The following S100B variants were observed in gnomAD, a reference collection of about 807,000 sequenced individuals.
S100B encodes protein S100-B.
A neutral mutation model predicts 7.7 loss-of-function variants in S100B; 6 were observed. That is an observed-to-expected ratio of 0.78 (90% CI 0.43 to 1.54). The LOEUF is 1.54. Ranked by LOEUF, S100B falls within the 40% of genes most tolerant of loss-of-function variation. The probability of loss-of-function intolerance (pLI) is 0.01; values close to 1 mark genes in which losing one functional copy is unlikely to be tolerated. For missense variants in S100B, 99 were observed against 111.8 expected, an observed-to-expected ratio of 0.89 and a Z score of 0.52; for synonymous variants, 36 against 40.4, an observed-to-expected ratio of 0.89 and a Z score of 0.41.
intron 2 of S100B, 74 bp from the exon 3 acceptor site, chr21:46,599,577 T>G: frequency 7.9e-7 from 1 of 1,268,384 alleles, no homozygotes; most frequent in Non-Finnish European, 1.1e-6. Flanking sequence ...GATTAAAAGT[T>G]GAGTGACTCT....
At chr21:46,604,835 A>G (rs990412434) in intron 1 of S100B, among the ~76,000 whole-genome samples, 178 bp downstream of exon 1, 1 of 152,240 alleles carries the variant, frequency 6.6e-6, no homozygotes, top group Admixed American at 6.5e-5. Context: ...AGGTGTCCAC[A>G]AAGCAGCAGT....
Position 46,599,401 on chromosome 21 carries a change from C to A in S100B, c.241G>T (p.Val81Phe), listed in dbSNP as rs1601892784. 1 of 1,613,960 alleles carries A rather than the reference C, an allele frequency of 6.2e-7. No individual in the cohort carries two copies. The highest frequency in any genetic ancestry group is 8.5e-7 in the Non-Finnish European group (1 of 1,179,862). ...AAGAACTCGTGGCAGGCAGTAGTAA[C>A]CATGGCAACAAAGGCCATGAATTCC... ...FQEFMAFVAMVTTACHEFFEH... is the reference protein window; with the variant it reads ...FQEFMAFVAMFTTACHEFFEH... The change falls in exon 3 of 3, where the codon GTT becomes TTT. Residue 81 changes from valine to phenylalanine, a missense_variant. Coordinates refer to ENST00000291700, the MANE Select transcript of S100B (RefSeq NM_006272.3).
At position 46,599,330 on chromosome 21, in the gene S100B, C is replaced by T; in HGVS notation, c.*33G>A. 1 of 1,606,968 alleles carries T rather than the reference C, an allele frequency of 6.2e-7. No individual in the cohort carries two copies. Among genetic ancestry groups the T allele is most frequent in the Non-Finnish European group, 8.5e-7 (1 of 1,175,790 alleles). ...TGTCTGCTTTCTTGCATGACCGTCTCTGTTACAGGAAAGGTTTGGCTGCTT... is the reference window on the plus strand; with the variant it reads ...TGTCTGCTTTCTTGCATGACCGTCTTTGTTACAGGAAAGGTTTGGCTGCTT... On this transcript the variant is annotated 3_prime_UTR_variant, in exon 3 of 3. Coordinates refer to ENST00000291700, the MANE Select transcript of S100B (RefSeq NM_006272.3).
At chr21:46,601,680 C>T (rs775220030) in intron 2 of S100B, among the ~76,000 whole-genome samples, 1 of 152,240 alleles carries the variant, frequency 6.6e-6, no homozygotes, top group Non-Finnish European at 1.5e-5. Context: ...ATATCCGTTA[C>T]TCCACAGAGC....
chr21:46,599,602 G>T (rs1488844421), intron 2 of S100B, 99 bp from the exon 3 acceptor site: 1 of 1,062,706 alleles, frequency 9.4e-7, no homozygotes, highest in Admixed American at 1.8e-5. Flanking sequence ...ATTTGTGTCC[G>T]AAATAACCTA....
intron 2 of S100B, among the ~76,000 whole-genome samples, chr21:46,600,964 T>C (rs2061039735): frequency 6.6e-6 from 1 of 152,196 alleles, no homozygotes; most frequent in Non-Finnish European, 1.5e-5. Flanking sequence ...GTGGGACTGC[T>C]GTCACTCTGT....
chr21:46,602,404 C>T lies in S100B; in HGVS notation c.12G>A (p.Leu4=). The T allele has an allele frequency of 6.2e-7, 1 of 1,613,604 alleles. No homozygotes were observed. The highest frequency in any genetic ancestry group is 8.5e-7 in the Non-Finnish European group (1 of 1,179,838). Residue 4 remains leucine, a synonymous_variant, in exon 2 of 3, where the codon CTG becomes CTA. Coordinates refer to ENST00000291700, the MANE Select transcript of S100B (RefSeq NM_006272.3). MSE[L]EKAMVALIDV... ...CGATGAGGGCCACCATGGCCTTCTC[C>T]AGCTCAGACATCCTAGGGGCTCGCA...
In S100B at chr21:46,603,395, G is replaced by GGGGGGCGGGGGGGGGT. The variant is rs1569137668; in HGVS notation, c.-1-980_-1-979insACCCCCCCCCGCCCCC. On this transcript the variant is annotated intron_variant, in intron 1 of 2. Coordinates refer to ENST00000291700, the MANE Select transcript of S100B (RefSeq NM_006272.3). ...CTGCAGTGACTGGGACGGCGGGAGG[G>GGGGGGCGGGGGGGGGT]GGTGGGGGCAGGAATAGGTGTTTCT... Among the ~76,000 whole-genome samples the GGGGGGCGGGGGGGGGT allele has an allele frequency of 1.4e-5, 2 of 140,256 alleles. 1 individual carries two copies. The highest frequency in any genetic ancestry group is 1.4e-4 in the Admixed American group (2 of 14,232). The allele number at this position is 140,256 out of a possible 152,430, so 92.0% of individuals were successfully genotyped here.
chr21:46,603,392 A>AGGGGGTGGGGGGGGAGGG lies in S100B; in HGVS notation c.-1-977_-1-976insCCCTCCCCCCCCACCCCC, dbSNP rs796474856. On this transcript the variant is annotated intron_variant, in intron 1 of 2. Transcript: ENST00000291700. ...TCACTGCAGTGACTGGGACGGCGGG[A>AGGGGGTGGGGGGGGAGGG]GGGGGTGGGGGCAGGAATAGGTGTT... Among the ~76,000 whole-genome samples the AGGGGGTGGGGGGGGAGGG allele has an allele frequency of 8.3e-3, 318 of 38,242 alleles. 3 individuals are homozygous for AGGGGGTGGGGGGGGAGGG. Among genetic ancestry groups the AGGGGGTGGGGGGGGAGGG allele is most frequent in the Admixed American group, 0.014 (42 of 2,942 alleles). The allele number at this position is 38,242 out of a possible 152,430, so 25.1% of individuals were successfully genotyped here.
intron 1 of S100B, among the ~76,000 whole-genome samples, chr21:46,604,178 A>C (rs889917152): frequency 3.3e-5 from 5 of 152,258 alleles, no homozygotes; most frequent in African/African-American, 1.2e-4. Flanking sequence ...ACCACACTAC[A>C]AATCAATTAA....
intron 2 of S100B, 133 bp from the exon 3 acceptor site, chr21:46,599,636 G>A (rs1359374587): frequency 1.2e-6 from 1 of 835,810 alleles, no homozygotes. Context: ...CAAAATATCA[G>A]AAAAGATGTC....
intron 1 of S100B, among the ~76,000 whole-genome samples, chr21:46,603,392 A>AGGGGGTGGGGGGAGGGGGGAGGCGGGGG (rs796474856): frequency 1.0e-4 from 4 of 38,230 alleles, no homozygotes; most frequent in Non-Finnish European, 2.0e-4. Context: ...GGACGGCGGG[A>AGGGGGTGGGGGGAGGGGGGAGGCGGGGG]GGGGGTGGGG....
chr21:46,603,398 T>TGGGGGCGGGGGGGGGGGC (rs2061048295), intron 1 of S100B, among the ~76,000 whole-genome samples: 2 of 52,070 alleles, frequency 3.8e-5, no homozygotes, highest in African/African-American at 1.4e-4. Context: ...CGGGAGGGGG[T>TGGGGGCGGGGGGGGGGGC]GGGGGCAGGA....
intron 1 of S100B, among the ~76,000 whole-genome samples, chr21:46,603,392 A>AGGGGGTGGGGGGAGGGGGGCGGGGGG (rs796474856): frequency 2.6e-5 from 1 of 38,206 alleles, no homozygotes; most frequent in East Asian, 1.1e-3. Flanking sequence ...GGACGGCGGG[A>AGGGGGTGGGGGGAGGGGGGCGGGGGG]GGGGGTGGGG....
intron 1 of S100B, among the ~76,000 whole-genome samples, chr21:46,603,404 C>CGGGGGA (rs2061048367): frequency 7.1e-5 from 1 of 14,050 alleles, no homozygotes; most frequent in African/African-American, 2.5e-4. Context: ...GGGGTGGGGG[C>CGGGGGA]AGGAATAGGT....
chr21:46,601,637 G>T (rs999664076), intron 2 of S100B, among the ~76,000 whole-genome samples: 9 of 152,206 alleles, frequency 5.9e-5, no homozygotes, highest in Non-Finnish European at 1.3e-4. Context: ...GCTTCCTAAA[G>T]TAGGGGCCCC....
At chr21:46,602,720 T>G in intron 1 of S100B, 1 of 257,802 alleles carries the variant, frequency 3.9e-6, no homozygotes. Flanking sequence ...CTGGCAAAAA[T>G]ACAGAGGCAG....
intron 1 of S100B, among the ~76,000 whole-genome samples, 163 bp downstream of exon 1, chr21:46,604,850 T>C (rs189092760): frequency 6.6e-6 from 1 of 152,330 alleles, no homozygotes; most frequent in East Asian, 1.9e-4. Context: ...AGCAGTAATG[T>C]GGAGATTAAA....
chr21:46,600,512 T>G, intron 2 of S100B: 2 of 314,840 alleles, frequency 6.4e-6, no homozygotes, highest in Non-Finnish European at 1.3e-5. Flanking sequence ...ACCACTGCAC[T>G]CCAACCTGGG....
Sources: gnomAD v4.1 joint callset for allele counts (sites outside exome capture counted in the v4.1 genomes callset) on GRCh38, gnomAD v4.1.1 for gene constraint, MANE v1.5 for transcripts, NCBI Gene and HGNC (gene_info 2026-07-23, HGNC 2026-07-21) for gene names.